The following HOMER2 variants were observed in gnomAD, a reference collection of about 807,000 sequenced individuals.
HOMER2 encodes the protein homer scaffold protein 2.
Under a neutral mutation model 47.0 loss-of-function variants are expected in HOMER2, and 27 were observed. That is an observed-to-expected ratio of 0.57 (90% confidence interval 0.42 to 0.79). The LOEUF (loss-of-function observed/expected upper bound fraction) is 0.79, where lower values mean the gene tolerates loss of function less well. Among genes scored for constraint, HOMER2 ranks in the 30% least tolerant of loss-of-function variants. HOMER2 has a pLI of 0.00. For missense variants in HOMER2, 443 were observed against 435.0 expected, an observed-to-expected ratio of 1.02 and a Z score of -0.16; for synonymous variants, 161 against 163.8, an observed-to-expected ratio of 0.98 and a Z score of 0.13.
chr15:82,903,197 C>T (rs1421772312), intron 1 of HOMER2, among the ~76,000 whole-genome samples: 3 of 152,126 alleles, frequency 2.0e-5, no homozygotes, highest in Non-Finnish European at 4.4e-5. Context: ...GAGATGAGGG[C>T]CTGGCCTAGA....
chr15:82,912,209 G>A (rs1416705099), intron 1 of HOMER2, among the ~76,000 whole-genome samples: 5 of 152,050 alleles, frequency 3.3e-5, no homozygotes, highest in Non-Finnish European at 7.4e-5. Context: ...CATTTTCAGA[G>A]CACCCCTCAA....
chr15:82,949,520 C>T (rs1157729481), intron 1 of HOMER2, among the ~76,000 whole-genome samples: 1 of 151,998 alleles, frequency 6.6e-6, no homozygotes, highest in African/African-American at 2.4e-5. Flanking sequence ...CACCCAAGAC[C>T]CTGGCAGTTT....
downstream of HOMER2, among the ~76,000 whole-genome samples, chr15:82,847,674 G>C (rs2051271789): frequency 6.6e-6 from 1 of 152,208 alleles, no homozygotes; most frequent in Non-Finnish European, 1.5e-5. Flanking sequence ...AGTCAAGCGG[G>C]CTCTTTCTAG....
chr15:82,859,975 C>T (rs959558375), intron 4 of HOMER2, among the ~76,000 whole-genome samples: 12 of 152,060 alleles, frequency 7.9e-5, no homozygotes, highest in Non-Finnish European at 1.2e-4. Flanking sequence ...CGGCCGGGCG[C>T]GGTGGCTCAC....
At chr15:82,863,518 C>T (rs925773775) in intron 4 of HOMER2, among the ~76,000 whole-genome samples, 1 of 152,190 alleles carries the variant, frequency 6.6e-6, no homozygotes, top group African/African-American at 2.4e-5. Flanking sequence ...ATCACACTTA[C>T]TCCTGCCCCT....
At chr15:82,841,165 CAAAATA>C (rs1567004601) in exon 2 of HOMER2, 1 of 151,986 alleles carries the variant, frequency 6.6e-6, no homozygotes, top group African/African-American at 2.4e-5. Flanking sequence ...ATAAGAAACA[CAAAATA>C]AAAATCTACT....
intron 1 of HOMER2, among the ~76,000 whole-genome samples, chr15:82,972,698 A>G (rs1213908363): frequency 1.3e-5 from 2 of 152,164 alleles, no homozygotes; most frequent in Admixed American, 1.3e-4. Context: ...AAAAAGAAAG[A>G]AAGAAAATTC....
chr15:82,853,455 T>A (rs2051464680), intron 6 of HOMER2, among the ~76,000 whole-genome samples: 1 of 152,102 alleles, frequency 6.6e-6, no homozygotes, highest in Non-Finnish European at 1.5e-5. Flanking sequence ...CGAGACACTT[T>A]TATGTGGCAT....
chr15:82,908,681 G>T (rs1375861972), intron 1 of HOMER2, among the ~76,000 whole-genome samples: 2 of 151,262 alleles, frequency 1.3e-5, no homozygotes, highest in East Asian at 3.9e-4. Flanking sequence ...GCCCAATTCA[G>T]TAATTGTTCT....
chr15:82,908,713 G>A (rs1001965168), intron 1 of HOMER2, among the ~76,000 whole-genome samples: 13 of 149,116 alleles, frequency 8.7e-5, no homozygotes, highest in Non-Finnish European at 1.5e-4. Flanking sequence ...TTTGTCTTAA[G>A]TTTTTCTTTT....
At chr15:82,902,744 T>C (rs1241798072) in intron 1 of HOMER2, among the ~76,000 whole-genome samples, 6 of 151,024 alleles carry the variant, frequency 4.0e-5, no homozygotes, top group African/African-American at 1.2e-4. Flanking sequence ...TAATATTGAC[T>C]AGATACGGTT....
exon 2 of HOMER2, chr15:82,840,220 AAAT>A (rs1462140042): frequency 4.6e-5 from 7 of 152,304 alleles, no homozygotes; most frequent in African/African-American, 1.7e-4. Flanking sequence ...GAAGGTGGGA[AAAT>A]AATAAAGGAA....
At chr15:82,882,680 C>G (rs1368042156) in intron 2 of HOMER2, among the ~76,000 whole-genome samples, 1 of 152,154 alleles carries the variant, frequency 6.6e-6, no homozygotes, top group African/African-American at 2.4e-5. Flanking sequence ...TGCATCCCTC[C>G]CCAGGTAGAG....
chr15:82,979,604 A>C (rs1387787422), intron 1 of HOMER2, among the ~76,000 whole-genome samples: 1 of 152,106 alleles, frequency 6.6e-6, no homozygotes, highest in Non-Finnish European at 1.5e-5. Flanking sequence ...AGAGGGTGAC[A>C]TGAAGGAATG....
At chr15:82,903,899 G>C (rs907575739) in intron 1 of HOMER2, among the ~76,000 whole-genome samples, 3 of 152,222 alleles carry the variant, frequency 2.0e-5, no homozygotes, top group Non-Finnish European at 2.9e-5. Context: ...CACTTTGGGA[G>C]GCCAAGGCGG....
intron 1 of HOMER2, among the ~76,000 whole-genome samples, chr15:82,904,661 A>G (rs546057507): frequency 1.1e-4 from 16 of 152,304 alleles, no homozygotes; most frequent in African/African-American, 2.9e-4. Context: ...AGCCCCCTTC[A>G]ACCATCCTGT....
downstream of HOMER2, chr15:82,835,449 A>T (rs1275790589): frequency 2.0e-5 from 3 of 152,422 alleles, no homozygotes; most frequent in East Asian, 5.8e-4. Flanking sequence ...TAACTGGTAC[A>T]CAGCAGCCTG....
At chr15:82,939,039 C>T (rs981598167) in intron 1 of HOMER2, among the ~76,000 whole-genome samples, 3 of 152,138 alleles carry the variant, frequency 2.0e-5, no homozygotes, top group Non-Finnish European at 2.9e-5. Context: ...AGGTCAAATC[C>T]ATCTTAGAGG....
chr15:82,872,318 C>T (rs532508797), intron 3 of HOMER2, among the ~76,000 whole-genome samples: 98 of 152,198 alleles, frequency 6.4e-4, no homozygotes, highest in African/African-American at 1.9e-4. Flanking sequence ...TTTCAGAAAA[C>T]GGCCTCACCA....
Sources: allele counts gnomAD v4.1 joint callset (sites outside exome capture counted in the v4.1 genomes callset), GRCh38; gene constraint gnomAD v4.1.1; transcripts MANE v1.5; gene names NCBI Gene and HGNC (gene_info 2026-07-23, HGNC 2026-07-21).